AVIL: variants seen among roughly 807,000 people sequenced by gnomAD.
AVIL encodes the protein advillin.
AVIL carries 78 observed loss-of-function variants against 109.9 expected under a neutral mutation model. The ratio of observed to expected loss-of-function variants is 0.71; its 90% CI spans 0.59 to 0.86. The LOEUF (loss-of-function observed/expected upper bound fraction) is 0.86, where lower values mean the gene tolerates loss of function less well. Among genes scored for constraint, AVIL ranks in the 40% least tolerant of loss-of-function variants. AVIL has a pLI of 0.00. For synonymous variants in AVIL, 367 were observed against 379.1 expected, an observed-to-expected ratio of 0.97 and a Z score of 0.37; for missense variants, 892 against 1,016.5, an observed-to-expected ratio of 0.88 and a Z score of 1.67.
At chr12:57,817,414 T>G (rs554914839) in intron 1 of AVIL, among the ~76,000 whole-genome samples, 4 of 151,428 alleles carry the variant, frequency 2.6e-5, no homozygotes, top group African/African-American at 9.7e-5. Context: ...CAGACTCGCT[T>G]TGTCTACTGC....
At chr12:57,802,642 C>A in intron 16 of AVIL, 1 of 673,780 alleles carries the variant, frequency 1.5e-6, no homozygotes, top group South Asian at 1.6e-5. Context: ...CTGCTCTAAG[C>A]ACCTTAAAAA....
intron 14 of AVIL, among the ~76,000 whole-genome samples, chr12:57,805,258 T>A (rs1955925100): frequency 2.0e-5 from 3 of 152,012 alleles, no homozygotes; most frequent in Admixed American, 1.3e-4. Flanking sequence ...GGTTTCACCA[T>A]GCTGGCCGGG....
In AVIL at chr12:57,810,504, A is replaced by G. The variant is rs749843523; in HGVS notation, c.606T>C (p.Arg202=). Residue 202 remains arginine, a synonymous_variant, in exon 7 of 20, where the codon CGT becomes CGC. Transcript: ENST00000549994. ...CTCCCTCGATCACTCCTATTTTAGC[A>G]CGGCCCCCTCGCTCCCTGTCTCGAA... ...KDIRDRERGG[R]AKIGVIEGDK... is the part of the protein sequence containing the mutation. 10 of 1,614,044 alleles carry G rather than the reference A, an allele frequency of 6.2e-6. No homozygotes were observed. The highest frequency in any genetic ancestry group is 1.7e-5 in the Admixed American group (1 of 60,020).
chr12:57,808,194 C>G lies in AVIL; in HGVS notation c.1194G>C (p.Glu398Asp). ...RMVDDGNGKV[E>D]VWRIENLELV... ...CTGACATTTGAATCATTGGGCTTACCTCAACTTTTCCGTTGCCATCATCGA... is the reference window on the plus strand; with the variant it reads ...CTGACATTTGAATCATTGGGCTTACGTCAACTTTTCCGTTGCCATCATCGA... The change falls in exon 11 of 20, where the codon GAG (glutamate) becomes GAC (aspartate). Residue 398 changes from glutamate to aspartate, a missense_variant and splice_region_variant. By Grantham distance (45) the Glu-to-Asp change is conservative (BLOSUM62 2). Transcript: ENST00000549994. 1.2e-6 allele frequency: 2 copies of G among 1,614,120 alleles called. No homozygotes were observed.
At chr12:57,814,338 T>C in intron 2 of AVIL, 112 bp from the exon 3 acceptor site, 1 of 1,063,080 alleles carries the variant, frequency 9.4e-7, no homozygotes, top group Non-Finnish European at 1.4e-6. Context: ...GGAGGGGAGA[T>C]GTTCTCAATG....
chr12:57,811,003 A>T lies in AVIL; in HGVS notation c.447+16T>A, dbSNP rs763651393. The stretch of plus-strand genomic sequence containing the variant: ...GAGAAGCCCCGGGCCTGGGGCAGAG[A>T]GTGTGCAGGACTAACCTCGGTAGCC... On this transcript the variant is annotated intron_variant, in intron 5 of 19. Coordinates refer to ENST00000549994, the MANE Select transcript of AVIL (RefSeq NM_006576.4). 1.1e-5 allele frequency: 18 copies of T among 1,613,888 alleles called. No homozygotes were observed. Among genetic ancestry groups the T allele is most frequent in the Non-Finnish European group, 1.5e-5 (18 of 1,179,938 alleles).
Position 57,816,091 on chromosome 12 carries a change from T to C in AVIL, c.-19-32A>G. The C allele has an allele frequency of 3.2e-6, 5 of 1,554,780 alleles. No homozygotes were observed. The South Asian group carries it at 4.7e-5, about 15-fold the overall frequency. On this transcript the variant is annotated intron_variant, in intron 1 of 19. Coordinates refer to ENST00000549994, the MANE Select transcript of AVIL (RefSeq NM_006576.4). The stretch of plus-strand genomic sequence containing the variant: ...CATCACAGAACAAGAGGGGAGATGA[T>C]ATCTCTTGCCATAGTGGGCATCAAT...
intron 13 of AVIL, among the ~76,000 whole-genome samples, chr12:57,806,917 C>T (rs1955956377): frequency 1.3e-5 from 2 of 152,164 alleles, no homozygotes; most frequent in Admixed American, 1.3e-4. Flanking sequence ...TGTGCCATTA[C>T]GCATTGCTTG....
chr12:57,816,555 C>T (rs1338054752), intron 1 of AVIL: 1 of 152,332 alleles, frequency 6.6e-6, no homozygotes, highest in Non-Finnish European at 1.5e-5. Context: ...AATCTAAGTT[C>T]AGTGGCATTT....
At position 57,817,033 on chromosome 12, in the gene AVIL, G is replaced by A. The variant is rs190597159; in HGVS notation, c.-19-974C>T. On this transcript the variant is annotated intron_variant, in intron 1 of 19. Transcript: ENST00000549994. ...GTAAAGATCTAAGTCTGTGTAGGTC[G>A]TGTACCATCTGTATTCAAGGAGCAT... Among the ~76,000 whole-genome samples, 227 of 151,660 alleles carry A rather than the reference G, an allele frequency of 1.5e-3. 1 individual carries two copies. The highest frequency in any genetic ancestry group is 5.2e-3 in the African/African-American group (215 of 41,322).
intron 14 of AVIL, chr12:57,804,306 C>T (rs1227776625): frequency 6.6e-6 from 1 of 152,260 alleles, no homozygotes; most frequent in Non-Finnish European, 1.5e-5. Context: ...CAGCGCGCTG[C>T]TCATCCCTTT....
At chr12:57,806,174 G>T (rs1230284926) in intron 14 of AVIL, 186 bp downstream of exon 14, 294 of 245,128 alleles carry the variant, frequency 1.2e-3, no homozygotes, top group Middle Eastern at 3.5e-3. Flanking sequence ...AACGCTTCAT[G>T]AATTTGCATG....
At position 57,799,905 on chromosome 12, in the gene AVIL, T is replaced by C. The variant is rs1392562049; in HGVS notation, c.2236A>G (p.Thr746Ala). 3 of 1,614,056 alleles carry C rather than the reference T, an allele frequency of 1.9e-6. No homozygotes were observed. The highest frequency in any genetic ancestry group is 1.1e-5 in the South Asian group (1 of 91,090). ...MRITADMKNA[T>A]LSLNSNDSEP... is the part of the protein sequence containing the mutation. Reference sequence around the variant, plus strand: ...CTGTCATTAGAATTCAGGGAGAGGGTTGCATTCTTCATGTCCTAGGTAAGA... The same window carrying C: ...CTGTCATTAGAATTCAGGGAGAGGGCTGCATTCTTCATGTCCTAGGTAAGA... The change falls in exon 19 of 20, where the codon ACC becomes GCC. Residue 746 changes from threonine to alanine, a missense_variant. Transcript: ENST00000549994.
chr12:57,815,251 C>T (rs959109211), intron 2 of AVIL, among the ~76,000 whole-genome samples: 2 of 152,240 alleles, frequency 1.3e-5, no homozygotes, highest in Admixed American at 6.5e-5. Flanking sequence ...CGCACCCCGC[C>T]AGTACCTGTT....
chr12:57,815,103 C>T (rs545300353), intron 2 of AVIL, among the ~76,000 whole-genome samples: 13 of 152,156 alleles, frequency 8.5e-5, no homozygotes, highest in Non-Finnish European at 2.9e-5. Context: ...TAGGCGCCTG[C>T]CACCATGCCC....
intron 2 of AVIL, chr12:57,815,734 C>G (rs1012466476): frequency 7.0e-7 from 1 of 1,419,472 alleles, no homozygotes; most frequent in African/African-American, 1.4e-5. Flanking sequence ...GGCTAAAGGA[C>G]AAGCCTGTTT....
chr12:57,799,789 A>G lies in AVIL; in HGVS notation c.2346+6T>C, dbSNP rs771122857. The stretch of plus-strand genomic sequence containing the variant: ...TCCAACAGACACAGTTCCTTCAGCC[A>G]CTCACCTCCTTTTTGGCAGGGTTTA... On this transcript the variant is annotated splice_donor_region_variant and intron_variant, in intron 19 of 19. Transcript: ENST00000549994. 6.2e-7 allele frequency: 1 copy of G among 1,613,658 alleles called. No homozygotes were observed. The highest frequency in any genetic ancestry group is 1.1e-5 in the South Asian group (1 of 91,074).
rs369062569 is a variant in AVIL at position 57,811,069 on chromosome 12, C to T, written c.397G>A (p.Val133Met). 39 of 1,614,060 alleles carry T rather than the reference C, an allele frequency of 2.4e-5. No homozygotes were observed. The highest frequency in any genetic ancestry group is 1.6e-4 in the Middle Eastern group (1 of 6,084). ...MKHVETNTYD[V>M]KRLLHVKGKR... ...CCTTTCACATGTAGCAGCCGCTTCA[C>T]GTCGTAGGTATTGGTCTCCACGTGC... The change falls in exon 5 of 20, where the codon GTG becomes ATG. Residue 133 changes from valine (V) to methionine (M), a missense_variant. Val to Met is a conservative substitution (Grantham distance 21, BLOSUM62 1). Transcript: ENST00000549994.
chr12:57,807,945 C>A (rs377548293), intron 11 of AVIL: 1 of 821,218 alleles, frequency 1.2e-6, no homozygotes, highest in Non-Finnish European at 2.0e-6. Flanking sequence ...CATCATGGCT[C>A]GGTCTTTGCA....
Sources: gnomAD v4.1 joint callset for allele counts (sites outside exome capture counted in the v4.1 genomes callset) on GRCh38, gnomAD v4.1.1 for gene constraint, MANE v1.5 for transcripts, NCBI Gene and HGNC (gene_info 2026-07-23, HGNC 2026-07-21) for gene names.